Variants in IMMP2L observed in about 807,000 individuals in gnomAD.
IMMP2L encodes the protein inner mitochondrial membrane peptidase subunit 2.
Under a neutral mutation model 19.3 loss-of-function variants are expected in IMMP2L, and 18 were observed. The ratio of observed to expected loss-of-function variants is 0.93; its 90% confidence interval spans 0.64 to 1.38. The LOEUF is 1.38. Among genes scored for constraint, IMMP2L ranks in the 40% most tolerant of loss-of-function variants. IMMP2L has a pLI of 0.00. For missense variants in IMMP2L, 233 were observed against 218.2 expected (o/e 1.07, Z -0.43); for synonymous variants, 76 against 73.0 (o/e 1.04, Z -0.21).
chr7:111,477,028 A>G (rs1841785352), intron 3 of IMMP2L, among the ~76,000 whole-genome samples: 1 of 152,196 alleles, frequency 6.6e-6, no homozygotes. Context: ...GAATTAGAGC[A>G]TGGAATCTGC....
intron 5 of IMMP2L, among the ~76,000 whole-genome samples, chr7:110,780,995 A>T (rs894340057): frequency 1.3e-5 from 2 of 151,948 alleles, no homozygotes; most frequent in African/African-American, 4.8e-5. Flanking sequence ...GAATCTTTCA[A>T]GGAAATGGGG....
In IMMP2L at chr7:110,760,832, C is replaced by CAGTA. The variant is rs1334956159; in HGVS notation, c.409-97115_409-97112dup. Among the ~76,000 whole-genome samples, 3 of 151,998 alleles carry CAGTA rather than the reference C, an allele frequency of 2.0e-5. No individual in the cohort carries two copies. The highest frequency in any genetic ancestry group is 4.4e-5 in the Non-Finnish European group (3 of 67,990). On this transcript the variant is annotated intron_variant, in intron 5 of 5. Transcript: ENST00000405709. The surrounding 1 kb of genome is among the most constrained non-coding windows in gnomAD (Gnocchi z 4.2). Reference sequence around the variant, plus strand: ...TGTAGAACGCCAGATAGGATCATCACAGTAGGCACCTCACAAAGGTCATGC... The same window carrying CAGTA: ...TGTAGAACGCCAGATAGGATCATCACAGTAAGTAGGCACCTCACAAAGGTCATGC...
intron 4 of IMMP2L, among the ~76,000 whole-genome samples, chr7:110,915,044 A>G (rs546985739): frequency 8.0e-6 from 1 of 124,690 alleles, no homozygotes; most frequent in Non-Finnish European, 1.7e-5. Context: ...TTCTGAAAAA[A>G]ATTAACAACA....
chr7:110,997,644 G>T (rs1242668914), intron 3 of IMMP2L, among the ~76,000 whole-genome samples: 3 of 151,764 alleles, frequency 2.0e-5, no homozygotes, highest in African/African-American at 4.8e-5. Context: ...GTGCTTATTT[G>T]CCATCTGCAT....
rs74586433 is a variant in IMMP2L at position 110,670,867 on chromosome 7, T to C, written c.409-7146A>G. On this transcript the variant is annotated intron_variant, in intron 5 of 5. Transcript: ENST00000405709. ...AAAGAGAGAGATGCTAAAGTATAAA[T>C]AACTCTTCCAATAGGTTAAATACTT... 3.6e-4 allele frequency among the ~76,000 whole-genome samples: 55 copies of C among 152,258 alleles called. 1 individual carries two copies. In the East Asian group the frequency reaches 0.011, roughly 29 times the overall value.
chr7:110,844,558 C>T (rs1200842025), intron 5 of IMMP2L, among the ~76,000 whole-genome samples: 1 of 151,670 alleles, frequency 6.6e-6, no homozygotes, highest in Non-Finnish European at 1.5e-5. Context: ...GGTATTTGCC[C>T]TTCATCCTAT....
intron 5 of IMMP2L, among the ~76,000 whole-genome samples, chr7:110,696,920 T>C (rs1793930634): frequency 6.6e-6 from 1 of 152,104 alleles, no homozygotes; most frequent in South Asian, 2.1e-4. Flanking sequence ...GGCAGGAAGA[T>C]CCAGGTGGAG....
chr7:111,162,818 T>C (rs1805412539), intron 3 of IMMP2L, among the ~76,000 whole-genome samples: 1 of 151,880 alleles, frequency 6.6e-6, no homozygotes, highest in Admixed American at 6.6e-5. Flanking sequence ...CCACAAATGA[T>C]TTTGTCTAGA....
intron 3 of IMMP2L, among the ~76,000 whole-genome samples, chr7:111,427,332 C>G (rs1836181021): frequency 6.6e-6 from 1 of 151,540 alleles, no homozygotes; most frequent in Admixed American, 6.6e-5. Context: ...ATGCTTTGTT[C>G]TAATGACTGA....
intron 1 of IMMP2L, among the ~76,000 whole-genome samples, chr7:111,536,073 A>G (rs893478063): frequency 2.6e-5 from 4 of 152,146 alleles, no homozygotes; most frequent in Non-Finnish European, 5.9e-5. Context: ...CACTGGCTAA[A>G]TATGAAAAAA....
intron 3 of IMMP2L, among the ~76,000 whole-genome samples, chr7:111,170,865 A>G (rs1442849466): frequency 8.1e-6 from 1 of 124,132 alleles, no homozygotes; most frequent in Admixed American, 8.9e-5. Context: ...AGTGAACAAC[A>G]GTACCTAAAA....
chr7:111,526,393 C>T (rs1219222914), intron 1 of IMMP2L, among the ~76,000 whole-genome samples: 1 of 152,190 alleles, frequency 6.6e-6, no homozygotes. Context: ...AAGAAAGCAG[C>T]ATCAAAATGC....
chr7:111,336,195 T>C (rs1826386725), intron 3 of IMMP2L, among the ~76,000 whole-genome samples: 1 of 147,294 alleles, frequency 6.8e-6, no homozygotes, highest in Non-Finnish European at 1.5e-5. Flanking sequence ...TACAGGTGTG[T>C]GCCGCCAGGC....
chr7:111,094,758 C>T (rs1797230275), intron 3 of IMMP2L, among the ~76,000 whole-genome samples: 1 of 152,040 alleles, frequency 6.6e-6, no homozygotes, highest in African/African-American at 2.4e-5. Context: ...ACTAGTAAAA[C>T]ATGATAACAA....
chr7:111,470,586 A>T (rs1420813571), intron 3 of IMMP2L, among the ~76,000 whole-genome samples: 1 of 151,754 alleles, frequency 6.6e-6, no homozygotes, highest in Non-Finnish European at 1.5e-5. Context: ...ACATGGATGA[A>T]ATTGGAAATC....
chr7:110,895,289 A>G (rs1811213669), intron 4 of IMMP2L, among the ~76,000 whole-genome samples: 1 of 152,178 alleles, frequency 6.6e-6, no homozygotes, highest in Non-Finnish European at 1.5e-5. Context: ...ACATGTGGGA[A>G]TTGTGGGAGT....
At chr7:110,731,136 C>T (rs1434308665) in intron 5 of IMMP2L, among the ~76,000 whole-genome samples, 1 of 152,124 alleles carries the variant, frequency 6.6e-6, no homozygotes, top group African/African-American at 2.4e-5. Context: ...CTCCTAGACT[C>T]AGGTCCCTAG....
At chr7:111,408,591 C>A (rs774428794) in intron 3 of IMMP2L, among the ~76,000 whole-genome samples, 1 of 151,694 alleles carries the variant, frequency 6.6e-6, no homozygotes, top group South Asian at 2.1e-4. Flanking sequence ...GATGAGATGA[C>A]AGTGTGTTTT....
At chr7:110,851,842 A>G (rs1806253652) in intron 5 of IMMP2L, among the ~76,000 whole-genome samples, 1 of 152,130 alleles carries the variant, frequency 6.6e-6, no homozygotes, top group African/African-American at 2.4e-5. Flanking sequence ...TATGTGACAG[A>G]TGGAATTTTC....
Sources: gnomAD v4.1 joint callset for allele counts (sites outside exome capture counted in the v4.1 genomes callset) on GRCh38, gnomAD v4.1.1 for gene constraint, Gnocchi (gnomAD v3.1) non-coding constraint, MANE v1.5 for transcripts, NCBI Gene and HGNC (gene_info 2026-07-23, HGNC 2026-07-21) for gene names.